Variants in ZNF728 observed in about 807,000 individuals in gnomAD.
The protein encoded by ZNF728 is zinc finger protein 728.
In ZNF728, 12 loss-of-function variants were observed where a neutral mutation model predicts 12.5. That is an observed-to-expected ratio of 0.96 (90% confidence interval 0.61 to 1.55). The LOEUF is 1.55. Among genes scored for constraint, ZNF728 ranks in the 40% most tolerant of loss-of-function variants. The pLI, the probability that ZNF728 is intolerant of heterozygous loss-of-function variation, is 0.00. For synonymous variants in ZNF728, 205 were observed against 240.7 expected (o/e 0.85, Z 1.37); for missense variants, 692 against 719.2 (o/e 0.96, Z 0.43).
chr19:23,001,116 C>T (rs548265259), intron 1 of ZNF728, among the ~76,000 whole-genome samples: 8 of 152,272 alleles, frequency 5.3e-5, no homozygotes, highest in African/African-American at 1.9e-4. Flanking sequence ...CACCATCTCA[C>T]TGGGGTCAGT....
intron 1 of ZNF728, among the ~76,000 whole-genome samples, chr19:23,000,915 T>C (rs1487922768): frequency 2.0e-5 from 2 of 98,196 alleles, no homozygotes; most frequent in Admixed American, 1.0e-4. Context: ...GAGGTCAAAA[T>C]AAGTGAACAA....
At chr19:22,988,181 G>C (rs941084196) in intron 2 of ZNF728, 144 bp downstream of exon 2, 9 of 1,446,274 alleles carry the variant, frequency 6.2e-6, no homozygotes, top group Non-Finnish European at 7.4e-6. Flanking sequence ...TAGAAGCAAA[G>C]AGCCCCCTGG....
chr19:22,994,340 CTTATGTGTTTACA>C (rs1398340562), intron 1 of ZNF728, among the ~76,000 whole-genome samples: 2 of 152,174 alleles, frequency 1.3e-5, no homozygotes. Flanking sequence ...TAGTTGGCAC[CTTATGTGTTTACA>C]TTATGTCTGG....
chr19:22,993,319 C>T (rs1167681894), intron 1 of ZNF728, among the ~76,000 whole-genome samples: 3 of 152,220 alleles, frequency 2.0e-5, no homozygotes, highest in Non-Finnish European at 2.9e-5. Flanking sequence ...TTGTAAATCC[C>T]AGGCAGAGGC....
intron 3 of ZNF728, among the ~76,000 whole-genome samples, chr19:22,978,628 G>A (rs1231359286): frequency 6.6e-6 from 1 of 152,182 alleles, no homozygotes; most frequent in Non-Finnish European, 1.5e-5. Flanking sequence ...GCATCTGGCG[G>A]GTGGCCTGTG....
rs751052944 is a variant in ZNF728 at position 22,976,639 on chromosome 19, C to T, written c.698G>A (p.Cys233Tyr). The change falls in exon 4 of 4, where the codon TGT (cysteine) becomes TAT (tyrosine). Residue 233 changes from cysteine (C) to tyrosine (Y), a missense_variant. Transcript: ENST00000594710. ...TGAGAACTTACTAAAGGCTTTGCCA[C>T]ATTCTTCACATTTGCAGGGTTTCTC... ...TGEKPCKCEE[C>Y]GKAFSKFSIL... is the part of the protein sequence containing the mutation. 6 of 1,613,038 alleles carry T rather than the reference C, an allele frequency of 3.7e-6. No individual in the cohort carries two copies.
At chr19:22,993,620 C>T (rs1157239211) in intron 1 of ZNF728, among the ~76,000 whole-genome samples, 5 of 152,074 alleles carry the variant, frequency 3.3e-5, no homozygotes, top group African/African-American at 1.2e-4. Flanking sequence ...AAAAAAGGAA[C>T]AGTGAGTGAG....
chr19:22,989,786 T>G (rs1298099865), intron 1 of ZNF728, among the ~76,000 whole-genome samples: 2 of 152,186 alleles, frequency 1.3e-5, no homozygotes, highest in East Asian at 3.9e-4. Flanking sequence ...AGCAGTTATC[T>G]CCTATAAATT....
rs1230888838 is a variant in ZNF728, at chr19:22,975,610, A to G, written c.1727T>C (p.Val576Ala). 5.0e-6 allele frequency: 8 copies of G among 1,608,598 alleles called. No homozygotes were observed. The African/African-American group carries it at 1.1e-4, about 22-fold the overall frequency. Residue 576 changes from valine (V) to alanine (A), a missense_variant, in exon 4 of 4, where the codon GTC becomes GCC. Physicochemically the swap from Val to Ala is moderately conservative, Grantham distance 64. Around this residue, in one of 3 missense-constraint regions of ZNF728, gnomAD observed 244 missense variants for 235.2 expected, o/e 1.04. Transcript: ENST00000594710. Reference sequence around the variant, plus strand: ...TTTCTTATGTTTGTTAAGGACTGAGACCCAGCTAAAGGCTTTGCCACATTC... The same window carrying G: ...TTTCTTATGTTTGTTAAGGACTGAGGCCCAGCTAAAGGCTTTGCCACATTC... ...CEECGKAFSWVSVLNKHKKIH... is the reference protein window; with the variant it reads ...CEECGKAFSWASVLNKHKKIH...
chr19:22,989,942 A>G (rs1968967279), intron 1 of ZNF728, among the ~76,000 whole-genome samples: 1 of 151,550 alleles, frequency 6.6e-6, no homozygotes. Flanking sequence ...GGTTTTCCCC[A>G]ATAGGAATTT....
At chr19:22,994,089 T>TCA (rs1969022947) in intron 1 of ZNF728, among the ~76,000 whole-genome samples, 1 of 152,140 alleles carries the variant, frequency 6.6e-6, no homozygotes, top group Non-Finnish European at 1.5e-5. Flanking sequence ...TTGGGCCCCA[T>TCA]GGTCACTGAA....
chr19:22,988,264 G>A, intron 2 of ZNF728, 61 bp downstream of exon 2: 1 of 1,611,644 alleles, frequency 6.2e-7, no homozygotes, highest in South Asian at 1.1e-5. Context: ...GGCCAATAAA[G>A]TCCACAGCAA....
intron 1 of ZNF728, among the ~76,000 whole-genome samples, chr19:22,991,921 A>C (rs1968992465): frequency 6.6e-6 from 1 of 152,190 alleles, no homozygotes; most frequent in Non-Finnish European, 1.5e-5. Flanking sequence ...AATCTTTTTT[A>C]TCACTGTCCT....
At chr19:22,981,932 G>A (rs1331982443) in intron 3 of ZNF728, among the ~76,000 whole-genome samples, 1 of 152,046 alleles carries the variant, frequency 6.6e-6, no homozygotes, top group Non-Finnish European at 1.5e-5. Context: ...CATACTGAAT[G>A]GCCAAAAACC....
At chr19:22,992,294 G>A (rs949431928) in intron 1 of ZNF728, among the ~76,000 whole-genome samples, 1 of 152,108 alleles carries the variant, frequency 6.6e-6, no homozygotes, top group Non-Finnish European at 1.5e-5. Context: ...CCAGGCTGGA[G>A]TGCAATGGTG....
chr19:22,991,709 T>G (rs1333257840), intron 1 of ZNF728, among the ~76,000 whole-genome samples: 1 of 152,196 alleles, frequency 6.6e-6, no homozygotes, highest in African/African-American at 2.4e-5. Flanking sequence ...AAACTCTGAT[T>G]TCCTGTAATC....
chr19:22,987,657 C>T (rs1298316064), intron 2 of ZNF728, among the ~76,000 whole-genome samples: 2 of 152,002 alleles, frequency 1.3e-5, no homozygotes, highest in Non-Finnish European at 2.9e-5. Flanking sequence ...GTATTTATGC[C>T]AGTAAAATTT....
In ZNF728 at chr19:22,984,077, A is replaced by G. The variant is rs535039184; in HGVS notation, c.226+3231T>C. On this transcript the variant is annotated intron_variant, in intron 3 of 3. Coordinates refer to ENST00000594710, the MANE Select transcript of ZNF728 (RefSeq NM_001267716.2). ...GTGGTATAAAACAACTATTTCTGAC[A>G]GAGGTATAGACAGCACTCCTCAACA... 3.3e-5 allele frequency among the ~76,000 whole-genome samples: 5 copies of G among 152,282 alleles called. No individual in the cohort carries two copies. The East Asian group carries it at 9.6e-4, about 29-fold the overall frequency.
chr19:23,000,995 G>A (rs10410206), intron 1 of ZNF728, among the ~76,000 whole-genome samples: 2,817 of 151,220 alleles, frequency 0.019, 86 homozygotes, highest in African/African-American at 0.065. Flanking sequence ...AATTACTTGA[G>A]AGATTCTCCC....
Sources: gnomAD v4.1 joint callset for allele counts (sites outside exome capture counted in the v4.1 genomes callset) on GRCh38, gnomAD v4.1.1 for gene constraint, gnomAD v4.1.1 regional missense constraint, MANE v1.5 for transcripts, NCBI Gene and HGNC (gene_info 2026-07-23, HGNC 2026-07-21) for gene names.